The following GALNT9 variants were observed in gnomAD, a reference collection of about 807,000 sequenced individuals.
GALNT9 encodes polypeptide N-acetylgalactosaminyltransferase 9, also known as GalNAc transferase 9.
Under a neutral mutation model 63.1 loss-of-function variants are expected in GALNT9, and 47 were observed. That is an observed-to-expected ratio of 0.75 (90% CI 0.59 to 0.95). GALNT9 has a LOEUF of 0.95. Ranked by LOEUF, GALNT9 falls within the 40% of genes least tolerant of loss-of-function variation. The pLI is 0.00. For missense variants in GALNT9, 829 were observed against 874.8 expected (o/e 0.95, Z 0.66); for synonymous variants, 396 against 365.7 (o/e 1.08, Z -0.94).
At chr12:132,201,410 G>C (rs1293573309) in intron 7 of GALNT9, 149 bp from the exon 8 acceptor site, 1 of 497,992 alleles carries the variant, frequency 2.0e-6, no homozygotes. Flanking sequence ...CCATCCAGTT[G>C]GGACCCCCCA....
intron 2 of GALNT9, chr12:132,278,986 C>T (rs1880223778): frequency 8.2e-6 from 1 of 121,402 alleles, no homozygotes; most frequent in African/African-American, 6.2e-5. Context: ...CCAGCCCAGC[C>T]CATCCCATCC....
chr12:132,247,279 G>A (rs1878739549), intron 6 of GALNT9, among the ~76,000 whole-genome samples: 1 of 152,200 alleles, frequency 6.6e-6, no homozygotes, highest in African/African-American at 2.4e-5. Context: ...ACCTTTCCAA[G>A]GTCCCAATCC....
At chr12:132,240,668 T>A (rs1249633339) in intron 6 of GALNT9, 9 of 455,828 alleles carry the variant, frequency 2.0e-5, no homozygotes, top group Non-Finnish European at 3.5e-5. Context: ...CTCTGCCGTG[T>A]TTTTCTTCCT....
chr12:132,300,261 A>T (rs1566017967), intron 1 of GALNT9, among the ~76,000 whole-genome samples: 1 of 137,994 alleles, frequency 7.2e-6, no homozygotes, highest in Non-Finnish European at 1.6e-5. Flanking sequence ...ATGATAACTA[A>T]CCCACTCCCA....
chr12:132,206,774 G>A (rs959684691), intron 6 of GALNT9, among the ~76,000 whole-genome samples: 9 of 152,190 alleles, frequency 5.9e-5, no homozygotes, highest in South Asian at 2.1e-4. Flanking sequence ...CCCACACAAG[G>A]AAATGGCAAA....
intron 5 of GALNT9, 121 bp downstream of exon 5, chr12:132,257,553 ACGCCCTCGTCCCCAC>A (rs1879179390): frequency 1.4e-5 from 3 of 214,244 alleles, no homozygotes; most frequent in Non-Finnish European, 2.5e-5. Flanking sequence ...CCTCGTCCCC[ACGCCCTCGTCCCCAC>A]GCCCTCGTCC....
rs1041748203 is a variant in GALNT9 at position 132,212,177 on chromosome 12, C to T, written c.1078-8487G>A. 8.7e-5 allele frequency among the ~76,000 whole-genome samples: 13 copies of T among 148,712 alleles called. 1 individual carries two copies. Among genetic ancestry groups the T allele is most frequent in the East Asian group, 2.0e-4 (1 of 4,988 alleles). On this transcript the variant is annotated intron_variant, in intron 6 of 10. Transcript: ENST00000328957. ...CACACCACGACACGGAAACCCCACC[C>T]GGGTCTGCAGCCTTCAGACCTCGAC...
rs56354871 is a variant in GALNT9 at position 132,282,317 on chromosome 12, G to T, written c.419+3933C>A. 1.3e-5 allele frequency among the ~76,000 whole-genome samples: 2 copies of T among 151,562 alleles called. No homozygotes were observed. The highest frequency in any genetic ancestry group is 4.9e-5 in the African/African-American group (2 of 40,974). On this transcript the variant is annotated intron_variant, in intron 2 of 10. Coordinates refer to ENST00000328957, the MANE Select transcript of GALNT9 (RefSeq NM_001122636.2). The surrounding 1 kb of genome is among the most constrained non-coding windows in gnomAD (Gnocchi z 4.5). ...CCTGGGGTCCCACATCCCACAGAGGGGGAATCCAATGGGACCCCTGCAGCT... is the reference window on the plus strand; with the variant it reads ...CCTGGGGTCCCACATCCCACAGAGGTGGAATCCAATGGGACCCCTGCAGCT...
intron 4 of GALNT9, among the ~76,000 whole-genome samples, chr12:132,259,452 A>T (rs1315288805): frequency 6.6e-6 from 1 of 152,218 alleles, no homozygotes; most frequent in Non-Finnish European, 1.5e-5. Context: ...GCTGATAAAC[A>T]TCGAGGGAAA....
In GALNT9 at chr12:132,199,050, G is replaced by A. The variant is rs1052797882; in HGVS notation, c.1497+124C>T. On this transcript the variant is annotated intron_variant, in intron 9 of 10. Coordinates refer to ENST00000328957, the MANE Select transcript of GALNT9 (RefSeq NM_001122636.2). ...CTCAGGCTGCTCCAAGCCCTGGAAT[G>A]CAGCCCTGGTGGCCTCAGAACACCC... 12 of 627,200 alleles carry A rather than the reference G, an allele frequency of 1.9e-5. No homozygotes were observed. The African/African-American group carries it at 2.0e-4, about 11-fold the overall frequency. The allele number at this position is 627,200 out of a possible 1,614,324, so 38.9% of individuals were successfully genotyped here. A position where few individuals can be genotyped will look rare whatever the true frequency, so the allele number is the denominator to read the frequency against.
intron 1 of GALNT9, 36 bp downstream of exon 1, chr12:132,328,930 G>A (rs1869163174): frequency 6.7e-6 from 10 of 1,486,806 alleles, no homozygotes; most frequent in Non-Finnish European, 8.9e-6. Flanking sequence ...GTCCCGGGCA[G>A]GGCTGCCCCC....
intron 1 of GALNT9, 125 bp downstream of exon 1, chr12:132,328,841 C>T: frequency 8.3e-7 from 1 of 1,209,260 alleles, no homozygotes; most frequent in Non-Finnish European, 1.1e-6. Context: ...CTCCTCTCTC[C>T]TGTATATTCC....
chr12:132,197,126 A>G lies in GALNT9; in HGVS notation c.1793T>C (p.Ile598Thr). The change falls in exon 11 of 11, where the codon ATC becomes ACC. Residue 598 changes from isoleucine to threonine, a missense_variant. Transcript: ENST00000328957. ...GTGGGGTCAGTGCCGTGCGTGTTTG[A>G]TCCAGTTTCTGATCATCCACTTCTG... ...SGQKWMIRNW[I>T]KHARH 1 of 1,613,996 alleles carries G rather than the reference A, an allele frequency of 6.2e-7. No individual in the cohort carries two copies. The highest frequency in any genetic ancestry group is 8.5e-7 in the Non-Finnish European group (1 of 1,179,984).
chr12:132,210,791 G>A (rs1209362665), intron 6 of GALNT9, among the ~76,000 whole-genome samples: 3 of 151,892 alleles, frequency 2.0e-5, no homozygotes, highest in African/African-American at 7.3e-5. Context: ...TCTGGAGGTC[G>A]CCGTCTGGCG....
At chr12:132,220,675 A>G (rs1015879437) in intron 6 of GALNT9, among the ~76,000 whole-genome samples, 7 of 152,240 alleles carry the variant, frequency 4.6e-5, no homozygotes, top group Admixed American at 2.0e-4. Context: ...GGAAGGAGAC[A>G]TCGGCAACCC....
intron 6 of GALNT9, chr12:132,240,848 C>CCA: frequency 2.8e-6 from 1 of 360,662 alleles, no homozygotes; most frequent in South Asian, 1.9e-5. Context: ...TACACACACA[C>CCA]CACACCCCCT....
intron 1 of GALNT9, among the ~76,000 whole-genome samples, chr12:132,307,289 C>A (rs755812785): frequency 7.8e-4 from 118 of 152,148 alleles, no homozygotes; most frequent in Admixed American, 1.8e-3. Flanking sequence ...AGTGGATTCA[C>A]ATTTTGGAAG....
At chr12:132,204,071 C>A (rs547368585) in intron 6 of GALNT9, among the ~76,000 whole-genome samples, 6 of 152,100 alleles carry the variant, frequency 3.9e-5, no homozygotes, top group African/African-American at 1.4e-4. Flanking sequence ...CCCCAGCACC[C>A]GAACACACCA....
At chr12:132,284,218 C>T (rs1264524157) in intron 2 of GALNT9, 1 of 151,642 alleles carries the variant, frequency 6.6e-6, no homozygotes, top group Non-Finnish European at 1.5e-5. Flanking sequence ...CACACACAGA[C>T]TCCTGTGCAC....
Sources: allele counts gnomAD v4.1 joint callset (sites outside exome capture counted in the v4.1 genomes callset), GRCh38; gene constraint gnomAD v4.1.1; non-coding constraint Gnocchi (gnomAD v3.1); transcripts MANE v1.5; gene names NCBI Gene and HGNC (gene_info 2026-07-23, HGNC 2026-07-21).